The following HDAC4 variants were observed in gnomAD, a reference collection of about 807,000 sequenced individuals.
HDAC4 encodes histone deacetylase 4, also known as histone deacetylase A.
A neutral mutation model predicts 135.1 loss-of-function variants in HDAC4; 16 were observed. The ratio of observed to expected loss-of-function variants is 0.12; its 90% CI spans 0.08 to 0.18. The LOEUF is 0.18. Ranked by LOEUF, HDAC4 falls within the 10% of genes least tolerant of loss-of-function variation. HDAC4 has a pLI of 1.00. For missense variants in HDAC4, 1,143 were observed against 1,511.8 expected (o/e 0.76, Z 4.05); for synonymous variants, 685 against 653.4 (o/e 1.05, Z -0.74).
intron 2 of HDAC4, among the ~76,000 whole-genome samples, chr2:239,310,042 G>T (rs538910438): frequency 6.6e-6 from 1 of 152,320 alleles, no homozygotes; most frequent in East Asian, 1.9e-4. Flanking sequence ...AGGGTTAGCC[G>T]TCCAGTTAGG....
chr2:239,363,200 C>G (rs1693969017), intron 1 of HDAC4, among the ~76,000 whole-genome samples: 1 of 152,146 alleles, frequency 6.6e-6, no homozygotes, highest in African/African-American at 2.4e-5. Flanking sequence ...ACCGGAAACC[C>G]CAATGAGATT....
chr2:239,088,781 T>C (rs2036228346), intron 18 of HDAC4, among the ~76,000 whole-genome samples: 3 of 152,188 alleles, frequency 2.0e-5, no homozygotes, highest in African/African-American at 7.2e-5. Context: ...CAGTGAAAAT[T>C]ACAAGTTTGG....
At chr2:239,184,162 A>C (rs1247092610) in intron 4 of HDAC4, among the ~76,000 whole-genome samples, 1 of 151,062 alleles carries the variant, frequency 6.6e-6, no homozygotes, top group East Asian at 2.0e-4. Context: ...GAATAGGCTG[A>C]AGTTAGGGAA....
rs2031016092 is a variant in HDAC4, at chr2:239,052,544, GA to G, written c.*552del. The stretch of plus-strand genomic sequence containing the variant: ...TCCCTCTGTCCCCCACCCGGGTGCA[GA>G]CCCCCCGCCGCACACCGCTATGGTT... On this transcript the variant is annotated 3_prime_UTR_variant, in exon 27 of 27. Coordinates refer to ENST00000543185, the MANE Select transcript of HDAC4 (RefSeq NM_001378414.1). 1 of 148,112 alleles carries G rather than the reference GA, an allele frequency of 6.8e-6. No individual in the cohort carries two copies. Among genetic ancestry groups the G allele is most frequent in the African/African-American group, 2.6e-5 (1 of 38,080 alleles). 9.2% of individuals were successfully genotyped at this position (148,112 alleles called of 1,614,324 possible).
At chr2:239,082,044 C>G (rs536216269) in intron 21 of HDAC4, 58 bp downstream of exon 21, 9 of 1,597,950 alleles carry the variant, frequency 5.6e-6, no homozygotes, top group African/African-American at 5.4e-5. Context: ...CCCGTGCCCC[C>G]ACAGCGGCTC....
intron 9 of HDAC4, among the ~76,000 whole-genome samples, chr2:239,135,746 C>T (rs753181140): frequency 3.9e-5 from 6 of 152,184 alleles, no homozygotes; most frequent in Non-Finnish European, 7.3e-5. Flanking sequence ...CAGAGCTATG[C>T]GGCTTCCCCG....
intron 1 of HDAC4, among the ~76,000 whole-genome samples, chr2:239,398,709 T>C (rs1421006403): frequency 2.6e-5 from 4 of 152,186 alleles, no homozygotes; most frequent in African/African-American, 9.7e-5. Context: ...GCTAGGAAGC[T>C]GCTGAACACA....
intron 19 of HDAC4, among the ~76,000 whole-genome samples, chr2:239,087,288 A>T (rs1412904298): frequency 6.6e-6 from 1 of 152,206 alleles, no homozygotes; most frequent in African/African-American, 2.4e-5. Flanking sequence ...CAACTACTCA[A>T]CAACCAGAGG....
chr2:239,249,446 T>C (rs563366628), intron 2 of HDAC4, among the ~76,000 whole-genome samples: 2 of 152,240 alleles, frequency 1.3e-5, no homozygotes, highest in East Asian at 1.9e-4. Flanking sequence ...ACAGAGAGAC[T>C]TGAGTGGGGA....
chr2:239,312,610 T>G (rs80028701), intron 2 of HDAC4, among the ~76,000 whole-genome samples: 2,311 of 152,258 alleles, frequency 0.015, 38 homozygotes, highest in East Asian at 0.078. Flanking sequence ...CCTCTATGCG[T>G]CCAATGAAAC....
chr2:239,287,139 C>T (rs2051184781), intron 2 of HDAC4, among the ~76,000 whole-genome samples: 2 of 152,148 alleles, frequency 1.3e-5, no homozygotes. Flanking sequence ...CTTCGTGAGC[C>T]CACAGTGATC....
At chr2:239,283,699 C>T (rs2050960552) in intron 2 of HDAC4, among the ~76,000 whole-genome samples, 2 of 152,196 alleles carry the variant, frequency 1.3e-5, no homozygotes, top group African/African-American at 2.4e-5. Flanking sequence ...GTTTGGCAAC[C>T]CACTTCCGCG....
chr2:239,070,924 GTTGTTTT>G (rs1406075428), intron 22 of HDAC4, among the ~76,000 whole-genome samples: 1 of 65,080 alleles, frequency 1.5e-5, no homozygotes, highest in Non-Finnish European at 2.8e-5. Flanking sequence ...TGCAGTCTCT[GTTGTTTT>G]TTTTTTTTTT....
Position 239,080,558 on chromosome 2 carries a change from G to A in HDAC4, c.2750+537C>T, listed in dbSNP as rs574197543. On this transcript the variant is annotated intron_variant, in intron 22 of 26. Coordinates refer to ENST00000543185, the MANE Select transcript of HDAC4 (RefSeq NM_001378414.1). ...GGCCTAGACCAAAGGAGAAGGAACC[G>A]CTTGATGACAAAAGCAAACACTGCG... is the stretch of plus-strand genomic sequence containing the variant. 4.0e-5 allele frequency among the ~76,000 whole-genome samples: 6 copies of A among 149,334 alleles called. No individual in the cohort carries two copies. In the South Asian group the frequency reaches 6.5e-4, roughly 16 times the overall value.
intron 2 of HDAC4, chr2:239,298,298 G>A: frequency 8.0e-7 from 1 of 1,253,080 alleles, no homozygotes; most frequent in Non-Finnish European, 1.0e-6. Context: ...GTGGCTTCCA[G>A]AAGCTGGGGG....
In HDAC4 at chr2:239,117,805, C is replaced by T. The variant is rs184107611; in HGVS notation, c.1534-2495G>A. On this transcript the variant is annotated intron_variant, in intron 12 of 26. Coordinates refer to ENST00000543185, the MANE Select transcript of HDAC4 (RefSeq NM_001378414.1). ...AGATTCGAGGGACGGTGGGACAAGC[C>T]GAGTTCCTGGCAGAGAGAGGAGCTA... Among the ~76,000 whole-genome samples, 591 of 152,192 alleles carry T rather than the reference C, an allele frequency of 3.9e-3. 2 individuals are homozygous for T. Among genetic ancestry groups the T allele is most frequent in the African/African-American group, 0.014 (574 of 41,524 alleles).
chr2:239,099,356 G>A (rs1016946624), intron 16 of HDAC4, among the ~76,000 whole-genome samples: 3 of 152,244 alleles, frequency 2.0e-5, no homozygotes, highest in East Asian at 1.9e-4. Flanking sequence ...ACGGCCTGAT[G>A]AGCTGATGCT....
In HDAC4 at chr2:239,111,309, G is replaced by C. The variant is rs532569588; in HGVS notation, c.1978+217C>G. On this transcript the variant is annotated intron_variant, in intron 14 of 26. Coordinates refer to ENST00000543185, the MANE Select transcript of HDAC4 (RefSeq NM_001378414.1). ...GACAGGAAAGTGGGCAAGTGAGCCC[G>C]TGACAGGTCCCCAGCATGACAGAAC... is the stretch of plus-strand genomic sequence containing the variant. 2.2e-4 allele frequency among the ~76,000 whole-genome samples: 33 copies of C among 152,344 alleles called. No individual in the cohort carries two copies. In the South Asian group the frequency reaches 6.6e-3, roughly 31 times the overall value.
At chr2:239,194,013 T>G (rs918170147) in intron 3 of HDAC4, among the ~76,000 whole-genome samples, 2 of 152,090 alleles carry the variant, frequency 1.3e-5, no homozygotes, top group Non-Finnish European at 2.9e-5. Flanking sequence ...GAGCCCGGGG[T>G]GGTCAATGCT....
Sources: allele counts gnomAD v4.1 joint callset (sites outside exome capture counted in the v4.1 genomes callset), GRCh38; gene constraint gnomAD v4.1.1; transcripts MANE v1.5; gene names NCBI Gene and HGNC (gene_info 2026-07-23, HGNC 2026-07-21).